The following SORCS2 variants were observed in gnomAD, a reference collection of about 807,000 sequenced individuals.
SORCS2 encodes the protein VPS10 domain-containing receptor SorCS2.
A neutral mutation model predicts 141.6 loss-of-function variants in SORCS2; 100 were observed. The observed-to-expected ratio is 0.71, with a 90% confidence interval of 0.60 to 0.83. The LOEUF is 0.83. SORCS2 is among the 40% of genes least tolerant of loss of function. The probability of loss-of-function intolerance (pLI) is 0.00; values close to 1 mark genes in which losing one functional copy is unlikely to be tolerated. For missense variants in SORCS2, 1,646 were observed against 1,560.2 expected (o/e 1.05, Z -0.93); for synonymous variants, 789 against 676.9 (o/e 1.17, Z -2.57).
chr4:7,483,880 G>A (rs750429465), intron 2 of SORCS2, among the ~76,000 whole-genome samples: 25 of 152,062 alleles, frequency 1.6e-4, no homozygotes, highest in Admixed American at 1.2e-3. Flanking sequence ...AAACCTGCAC[G>A]TTCTGCACAT....
At position 7,380,859 on chromosome 4, in the gene SORCS2, G is replaced by A. The variant is rs111894507; in HGVS notation, c.481-15429G>A. Among the ~76,000 whole-genome samples the A allele has an allele frequency of 8.6e-3, 1,313 of 152,310 alleles. 22 individuals carry two copies. The highest frequency in any genetic ancestry group is 0.029 in the African/African-American group (1,219 of 41,574). On this transcript the variant is annotated intron_variant, in intron 1 of 26. Transcript: ENST00000507866. ...CCAACACTTTGGGAGGCCAAGGCGGGCAGATCACGATGTTGAGATCAAGGC... is the reference window on the plus strand; with the variant it reads ...CCAACACTTTGGGAGGCCAAGGCGGACAGATCACGATGTTGAGATCAAGGC...
intron 1 of SORCS2, among the ~76,000 whole-genome samples, chr4:7,352,347 T>A (rs964146695): frequency 3.9e-5 from 6 of 152,208 alleles, no homozygotes; most frequent in Non-Finnish European, 7.3e-5. Flanking sequence ...CCTAGTCCAG[T>A]CATTCAGTTT....
chr4:7,579,640 C>A (rs890711825), intron 3 of SORCS2, among the ~76,000 whole-genome samples: 1 of 152,168 alleles, frequency 6.6e-6, no homozygotes, highest in Non-Finnish European at 1.5e-5. Context: ...GCCACTTCTG[C>A]TATCTTCTTT....
In SORCS2 at chr4:7,383,191, G is replaced by A. The variant is rs573818264; in HGVS notation, c.481-13097G>A. Among the ~76,000 whole-genome samples, 3 of 152,190 alleles carry A rather than the reference G, an allele frequency of 2.0e-5. No homozygotes were observed. The South Asian group carries it at 6.2e-4, about 32-fold the overall frequency. ...ATAATTTGGTACGGAGCTCAAGAGG[G>A]CTCTGTGTGGCTTCTTCCCAAGTTG... is the stretch of plus-strand genomic sequence containing the variant. On this transcript the variant is annotated intron_variant, in intron 1 of 26. Transcript: ENST00000507866.
At chr4:7,603,232 G>T (rs1198910949) in intron 3 of SORCS2, among the ~76,000 whole-genome samples, 2 of 152,150 alleles carry the variant, frequency 1.3e-5, no homozygotes, top group Non-Finnish European at 2.9e-5. Context: ...TTATTGATTT[G>T]TAACTCAGTG....
chr4:7,554,557 A>T (rs1235954412), intron 3 of SORCS2, among the ~76,000 whole-genome samples: 1 of 152,162 alleles, frequency 6.6e-6, no homozygotes, highest in African/African-American at 2.4e-5. Flanking sequence ...TCCCCCCATA[A>T]ATTCAGCAAA....
At chr4:7,671,450 G>A (rs905086829) in intron 8 of SORCS2, among the ~76,000 whole-genome samples, 1 of 151,710 alleles carries the variant, frequency 6.6e-6, no homozygotes, top group Non-Finnish European at 1.5e-5. Flanking sequence ...AGAACTGAAA[G>A]GAAAAATAGA....
intron 17 of SORCS2, among the ~76,000 whole-genome samples, chr4:7,717,548 G>T (rs1435997059): frequency 1.3e-5 from 2 of 152,216 alleles, no homozygotes; most frequent in Admixed American, 1.3e-4. Flanking sequence ...GGGAGACGGA[G>T]CCCAGGAGGA....
chr4:7,625,587 T>C (rs1719465987), intron 3 of SORCS2, among the ~76,000 whole-genome samples: 1 of 151,816 alleles, frequency 6.6e-6, no homozygotes, highest in Admixed American at 6.6e-5. Context: ...GGAGCCGGGT[T>C]GCATGGAGAT....
intron 2 of SORCS2, among the ~76,000 whole-genome samples, chr4:7,437,207 T>C (rs1365290055): frequency 6.6e-6 from 1 of 152,194 alleles, no homozygotes; most frequent in African/African-American, 2.4e-5. Flanking sequence ...GAAGTGGCTA[T>C]AAACCAGGGT....
chr4:7,686,596 C>G (rs1447782021), intron 10 of SORCS2, among the ~76,000 whole-genome samples: 1 of 152,226 alleles, frequency 6.6e-6, no homozygotes, highest in Admixed American at 6.5e-5. Flanking sequence ...GTCCTCGTCC[C>G]TGGGTGGCCT....
chr4:7,448,458 C>A (rs978658978), intron 2 of SORCS2, among the ~76,000 whole-genome samples: 4 of 146,592 alleles, frequency 2.7e-5, no homozygotes, highest in Non-Finnish European at 6.1e-5. Context: ...CGTCTCCTTC[C>A]CTCCCTCTCT....
rs1724212609 is a variant in SORCS2 at position 7,396,339 on chromosome 4, G to C, written c.532G>C (p.Glu178Gln). 1 of 1,613,884 alleles carries C rather than the reference G, an allele frequency of 6.2e-7. No homozygotes were observed. Among genetic ancestry groups the C allele is most frequent in the Non-Finnish European group, 8.5e-7 (1 of 1,179,892 alleles). ...CCACGCAGACATGGGGAAGGTTCTG[G>C]AAAGTTCTCTGTGGCGGTAAGTCAG... The part of the protein sequence containing the change: ...YYHADMGKVL[E>Q]SSLWRSSDFG... The change falls in exon 2 of 27, where the codon GAA becomes CAA. Residue 178 changes from glutamate to glutamine, a missense_variant. Transcript: ENST00000507866.
At chr4:7,491,933 C>A (rs1324969384) in intron 2 of SORCS2, among the ~76,000 whole-genome samples, 2 of 152,116 alleles carry the variant, frequency 1.3e-5, no homozygotes, top group African/African-American at 2.4e-5. Context: ...CAGTGCAGTG[C>A]CTGAGCACCA....
intron 2 of SORCS2, among the ~76,000 whole-genome samples, chr4:7,527,490 TGCAGGAGGTCGCTA>T (rs1364375062): frequency 2.0e-5 from 3 of 152,186 alleles, no homozygotes; most frequent in African/African-American, 7.2e-5. Context: ...GGGCGAGGAC[TGCAGGAGGTCGCTA>T]GCAGGTGGGA....
intron 3 of SORCS2, among the ~76,000 whole-genome samples, chr4:7,554,144 G>T (rs1294423694): frequency 6.6e-6 from 1 of 152,058 alleles, no homozygotes; most frequent in Non-Finnish European, 1.5e-5. Flanking sequence ...TCCTTGCCTT[G>T]ATCTCCTAAG....
intron 1 of SORCS2, among the ~76,000 whole-genome samples, chr4:7,281,731 G>T (rs1371742077): frequency 1.3e-5 from 2 of 152,206 alleles, no homozygotes; most frequent in Non-Finnish European, 2.9e-5. Flanking sequence ...GAGAATAATT[G>T]TGTTGCGGTC....
chr4:7,398,426 A>G (rs1263416604), intron 2 of SORCS2, among the ~76,000 whole-genome samples: 1 of 152,250 alleles, frequency 6.6e-6, no homozygotes, highest in Non-Finnish European at 1.5e-5. Context: ...CTAGAACAGT[A>G]CGTGATCTAA....
At chr4:7,296,861 G>T (rs1349390399) in intron 1 of SORCS2, among the ~76,000 whole-genome samples, 1 of 152,182 alleles carries the variant, frequency 6.6e-6, no homozygotes, top group Non-Finnish European at 1.5e-5. Flanking sequence ...GGCTCTCGGG[G>T]ACAGAAGAGG....
Sources: allele counts gnomAD v4.1 joint callset (sites outside exome capture counted in the v4.1 genomes callset), GRCh38; gene constraint gnomAD v4.1.1; transcripts MANE v1.5; gene names NCBI Gene and HGNC (gene_info 2026-07-23, HGNC 2026-07-21).